PALM: variants seen among roughly 807,000 people sequenced by gnomAD.
PALM encodes paralemmin.
In PALM, 18 loss-of-function variants were observed where a neutral mutation model predicts 30.7. The ratio of observed to expected loss-of-function variants is 0.59; its 90% CI spans 0.41 to 0.87. PALM has a LOEUF of 0.87. Among genes scored for constraint, PALM ranks in the 40% least tolerant of loss-of-function variants. The pLI is 0.00. For synonymous variants in PALM, 286 were observed against 242.8 expected, an observed-to-expected ratio of 1.18 and a Z score of -1.66; for missense variants, 529 against 555.4, an observed-to-expected ratio of 0.95 and a Z score of 0.48.
At chr19:725,885 C>T (rs2032643317) in intron 1 of PALM, among the ~76,000 whole-genome samples, 1 of 152,106 alleles carries the variant, frequency 6.6e-6, no homozygotes, top group African/African-American at 2.4e-5. Flanking sequence ...CCTTGGTGGC[C>T]CTGCCTCAAT....
chr19:740,792 G>A (rs1158179697), intron 8 of PALM, among the ~76,000 whole-genome samples: 1 of 152,122 alleles, frequency 6.6e-6, no homozygotes, highest in African/African-American at 2.4e-5. Flanking sequence ...TGTCCTTGCC[G>A]GGTGGCAAAC....
In PALM at chr19:726,988, C is replaced by CCCCCCCCCCCCCCCCCCCGCG; in HGVS notation, c.58-19_58-18insCCCCCCCCCCCCCCCCCGCGC. ...GGGACCCCCACGCCCATCCCTGACCCCACCCGGCCCTCCCCACAGGAGAAG... is the reference window on the plus strand; with the variant it reads ...GGGACCCCCACGCCCATCCCTGACCCCCCCCCCCCCCCCCCCCCGCGCACCCGGCCCTCCCCACAGGAGAAG... On this transcript the variant is annotated intron_variant, in intron 2 of 8. Transcript: ENST00000338448. 8.2e-7 allele frequency: 1 copy of CCCCCCCCCCCCCCCCCCCGCG among 1,212,176 alleles called. No individual in the cohort carries two copies. The highest frequency in any genetic ancestry group is 1.2e-6 in the Non-Finnish European group (1 of 852,616). 75.1% of individuals were successfully genotyped at this position (1,212,176 alleles called of 1,614,324 possible).
In PALM at chr19:747,229, A is replaced by G. The variant is rs1392214020; in HGVS notation, c.*415A>G. On this transcript the variant is annotated 3_prime_UTR_variant, in exon 9 of 9. Transcript: ENST00000338448. ...TTTCTCTGAGGGGACACCCCGCCAG[A>G]GAGGGCCCCGGGAGCCGGGGGTGGG... 3 of 177,848 alleles carry G rather than the reference A, an allele frequency of 1.7e-5. No homozygotes were observed. Among genetic ancestry groups the G allele is most frequent in the African/African-American group, 7.2e-5 (3 of 41,704 alleles). 11.0% of individuals were successfully genotyped at this position (177,848 alleles called of 1,614,324 possible). A position where few individuals can be genotyped will look rare whatever the true frequency, so the allele number is the denominator to read the frequency against.
At chr19:722,036 A>G (rs1346558076) in intron 1 of PALM, among the ~76,000 whole-genome samples, 2 of 152,162 alleles carry the variant, frequency 1.3e-5, no homozygotes, top group Admixed American at 6.5e-5. Context: ...CTCCTGCCTC[A>G]GCCTCCCGAG....
At chr19:718,600 T>G (rs1449133530) in intron 1 of PALM, among the ~76,000 whole-genome samples, 1 of 152,046 alleles carries the variant, frequency 6.6e-6, no homozygotes, top group Non-Finnish European at 1.5e-5. Flanking sequence ...GTGGCCTGCT[T>G]TGACCTCCGT....
intron 8 of PALM, among the ~76,000 whole-genome samples, chr19:741,697 G>A (rs183075532): frequency 2.4e-4 from 36 of 152,126 alleles, no homozygotes; most frequent in Admixed American, 6.5e-4. Context: ...CCTTGGGTGC[G>A]TTGGGTCCTG....
At chr19:735,541 GGTGTCTGGGGGCCC>G (rs2032999711) in intron 6 of PALM, among the ~76,000 whole-genome samples, 1 of 31,750 alleles carries the variant, frequency 3.1e-5, no homozygotes, top group Admixed American at 3.0e-4. Context: ...TGCCTGTCTG[GGTGTCTGGGGGCCC>G]AGGTTCCTGT....
In PALM at chr19:746,458, C is replaced by A; in HGVS notation, c.808C>A (p.Arg270=). Residue 270 remains arginine (R), a synonymous_variant, in exon 9 of 9, where the codon CGG becomes AGG. Coordinates refer to ENST00000338448, the MANE Select transcript of PALM (RefSeq NM_002579.3). This position sits in a 1 kb window ranked among gnomAD's most constrained non-coding sequence, Gnocchi z 7.1. ...GGGGGCAGCCCGGACCACGCCCTCC[C>A]GGCGGGAGATCACCGGTGTGCAGGC... The part of the protein sequence containing the change: ...VEGAARTTPS[R]REITGVQAQP... 2.5e-6 allele frequency: 4 copies of A among 1,609,208 alleles called. No homozygotes were observed. Among genetic ancestry groups the A allele is most frequent in the Non-Finnish European group, 2.5e-6 (3 of 1,177,820 alleles).
rs2033348429 is a variant in PALM, at chr19:746,542, G to A, written c.892G>A (p.Val298Ile). ...PGIQPGQEPPVTMIFMGYQNV... is the reference protein window; with the variant it reads ...PGIQPGQEPPITMIFMGYQNV... ...GATCCAGCCCGGCCAGGAGCCCCCG[G>A]TCACAATGATCTTCATGGGTTACCA... Residue 298 changes from valine to isoleucine, a missense_variant, in exon 9 of 9, where the codon GTC becomes ATC. Val to Ile is a conservative substitution (Grantham distance 29). Coordinates refer to ENST00000338448, the MANE Select transcript of PALM (RefSeq NM_002579.3). The surrounding 1 kb of genome is among the most constrained non-coding windows in gnomAD (Gnocchi z 7.1). 5 of 1,613,098 alleles carry A rather than the reference G, an allele frequency of 3.1e-6. No homozygotes were observed. The Admixed American group carries it at 5.0e-5, about 16-fold the overall frequency.
intron 1 of PALM, among the ~76,000 whole-genome samples, chr19:722,169 C>T (rs7259530): frequency 0.56 from 84,665 of 151,208 alleles, 24,055 homozygotes; most frequent in East Asian, 0.69. Flanking sequence ...CCGCCCGCCT[C>T]GGCCTCCCAA....
intron 1 of PALM, among the ~76,000 whole-genome samples, chr19:720,264 C>T (rs957177375): frequency 2.0e-5 from 3 of 151,746 alleles, no homozygotes; most frequent in Admixed American, 6.6e-5. Context: ...CCACGGCGAC[C>T]GCCTCCCGCG....
At position 727,604 on chromosome 19, in the gene PALM, C is replaced by T. The variant is rs1235610401; in HGVS notation, c.179C>T (p.Pro60Leu). ...LRERWLLEGT[P>L]SSASEGDEDL... ...GAGCGCTGGCTGCTGGAGGGGACGCCGTCCTCGGCCTCAGAGGGGGATGAG... is the reference window on the plus strand; with the variant it reads ...GAGCGCTGGCTGCTGGAGGGGACGCTGTCCTCGGCCTCAGAGGGGGATGAG... The change falls in exon 4 of 9, where the codon CCG becomes CTG. Residue 60 changes from proline (P) to leucine (L), a missense_variant. By Grantham distance (98) the Pro-to-Leu change is moderately conservative. Coordinates refer to ENST00000338448, the MANE Select transcript of PALM (RefSeq NM_002579.3). 12 of 1,582,870 alleles carry T rather than the reference C, an allele frequency of 7.6e-6. No individual in the cohort carries two copies. The highest frequency in any genetic ancestry group is 2.7e-5 in the African/African-American group (2 of 74,474).
intron 1 of PALM, among the ~76,000 whole-genome samples, chr19:719,943 A>G (rs1348514018): frequency 3.3e-5 from 5 of 151,740 alleles, no homozygotes; most frequent in African/African-American, 4.8e-5. Flanking sequence ...AATTTTTCCA[A>G]TCTGTGACGT....
rs745795743 is a variant in PALM at position 746,524 on chromosome 19, C to A, written c.874C>A (p.Pro292Thr). The A allele has an allele frequency of 6.2e-7, 1 of 1,612,970 alleles. No homozygotes were observed. The highest frequency in any genetic ancestry group is 2.2e-5 in the East Asian group (1 of 44,850). Residue 292 changes from proline to threonine, a missense_variant, in exon 9 of 9, where the codon CCC becomes ACC. Transcript: ENST00000338448. This position sits in a 1 kb window ranked among gnomAD's most constrained non-coding sequence, Gnocchi z 7.1. ...CACGTCCGGCCCGCCGGGGATCCAG[C>A]CCGGCCAGGAGCCCCCGGTCACAAT... is the stretch of plus-strand genomic sequence containing the variant. ...EATSGPPGIQ[P>T]GQEPPVTMIF...
In PALM at chr19:734,181, G is replaced by A; in HGVS notation, c.429G>A (p.Val143=). The part of the protein sequence containing the change: ...EVVMNSQQTP[V]GTPKDKRVSN... ...TCTCTTCTTTCTTGCAGACGCCGGT[G>A]GGCACGCCCAAAGGTAGGACCTCTG... is the stretch of plus-strand genomic sequence containing the variant. Residue 143 remains valine (V), a synonymous_variant, in exon 6 of 9, where the codon GTG becomes GTA. Transcript: ENST00000338448. 1 of 1,613,896 alleles carries A rather than the reference G, an allele frequency of 6.2e-7. No homozygotes were observed. Among genetic ancestry groups the A allele is most frequent in the Non-Finnish European group, 8.5e-7 (1 of 1,179,908 alleles).
rs2033186241 is a variant in PALM, at chr19:741,426, A to ATGGG, written c.634+943_634+944insTGGG. On this transcript the variant is annotated intron_variant, in intron 8 of 8. Transcript: ENST00000338448. ...AGACGGGCTGCAGGGGTGAGGGGAG[A>ATGGG]CGGGCTGCAGGGGTGAGGGGAGACG... Among the ~76,000 whole-genome samples, 6 of 119,944 alleles carry ATGGG rather than the reference A, an allele frequency of 5.0e-5. 1 individual carries two copies. The highest frequency in any genetic ancestry group is 1.8e-4 in the African/African-American group (6 of 33,048). The allele number at this position is 119,944 out of a possible 152,430, so 78.7% of individuals were successfully genotyped here.
intron 8 of PALM, among the ~76,000 whole-genome samples, chr19:741,380 T>A (rs547496737): frequency 5.9e-4 from 62 of 105,144 alleles, no homozygotes; most frequent in Non-Finnish European, 1.0e-3. Flanking sequence ...CTGAGGGGAG[T>A]TGGGCTGCAG....
chr19:723,492 C>T (rs908955887), intron 1 of PALM, among the ~76,000 whole-genome samples: 7 of 152,260 alleles, frequency 4.6e-5, no homozygotes, highest in Middle Eastern at 3.4e-3. Flanking sequence ...CTCCCTGCCT[C>T]GCTGCAACAG....
rs2238567 is a variant in PALM at position 746,409 on chromosome 19, G to A, written c.759G>A (p.Ala253=). The A allele has an allele frequency of 0.027, 43,617 of 1,611,990 alleles. 3,724 individuals are homozygous for A. The East Asian group carries it at 0.37, about 14-fold the overall frequency. Residue 253 remains alanine, a synonymous_variant, in exon 9 of 9, where the codon GCG becomes GCA. Transcript: ENST00000338448. This position sits in a 1 kb window ranked among gnomAD's most constrained non-coding sequence, Gnocchi z 7.1. ...GCGAGGCAGGGTCCACGGCCGGGGC[G>A]GCAGAGACCCGGGGGGCTGTGGAGG... ...TLSEAGSTAG[A]AETRGAVEGA...
Sources: allele counts gnomAD v4.1 joint callset (sites outside exome capture counted in the v4.1 genomes callset), GRCh38; gene constraint gnomAD v4.1.1; non-coding constraint Gnocchi (gnomAD v3.1); transcripts MANE v1.5; gene names NCBI Gene and HGNC (gene_info 2026-07-23, HGNC 2026-07-21).